The following SLC8A1 variants were observed in gnomAD, a reference collection of about 807,000 sequenced individuals.
SLC8A1 encodes the protein sodium/calcium exchanger 1.
In SLC8A1, 18 loss-of-function variants were observed where a neutral mutation model predicts 68.3. The ratio of observed to expected loss-of-function variants is 0.26; its 90% CI spans 0.18 to 0.39. The LOEUF is 0.39. Among genes scored for constraint, SLC8A1 ranks in the 10% least tolerant of loss-of-function variants. The pLI is 1.00. For missense variants in SLC8A1, 985 were observed against 1,156.7 expected (o/e 0.85, Z 2.15); for synonymous variants, 475 against 415.5 (o/e 1.14, Z -1.74).
chr2:40,347,470 C>G (rs1559337109), intron 2 of SLC8A1, among the ~76,000 whole-genome samples: 1 of 152,218 alleles, frequency 6.6e-6, no homozygotes, highest in African/African-American at 2.4e-5. Flanking sequence ...AGCTCAATGC[C>G]TGGCTTCAGC....
chr2:40,220,938 G>A (rs1342772027), intron 2 of SLC8A1, among the ~76,000 whole-genome samples: 5 of 151,722 alleles, frequency 3.3e-5, no homozygotes, highest in African/African-American at 1.2e-4. Flanking sequence ...GCCAAATTCT[G>A]CCAGAGGTAC....
At chr2:40,442,377 C>A in intron 1 of SLC8A1, among the ~76,000 whole-genome samples, 1 of 140,572 alleles carries the variant, frequency 7.1e-6, no homozygotes. Flanking sequence ...TATCTGGAAT[C>A]TACAAGGAAC....
chr2:40,327,735 A>T (rs955863403), intron 2 of SLC8A1, among the ~76,000 whole-genome samples: 1 of 152,166 alleles, frequency 6.6e-6, no homozygotes, highest in African/African-American at 2.4e-5. Flanking sequence ...GATGAGAATA[A>T]TACGACACTG....
At chr2:40,174,575 T>C (rs2048134514) in intron 4 of SLC8A1, 131 bp downstream of exon 6, 1 of 862,336 alleles carries the variant, frequency 1.2e-6, no homozygotes, top group Non-Finnish European at 1.8e-6. Flanking sequence ...AAACGTTAAA[T>C]GTGTAAAACC....
intron 2 of SLC8A1, among the ~76,000 whole-genome samples, chr2:40,356,952 C>A (rs578046719): frequency 6.6e-6 from 1 of 152,168 alleles, no homozygotes; most frequent in Non-Finnish European, 1.5e-5. Context: ...TTGTCACCAA[C>A]CATCTTGCCC....
chr2:40,195,579 A>G (rs1350260816), intron 2 of SLC8A1, among the ~76,000 whole-genome samples: 1 of 152,040 alleles, frequency 6.6e-6, no homozygotes, highest in African/African-American at 2.4e-5. Flanking sequence ...TATAACTTCT[A>G]TTAATTATTT....
At chr2:40,306,725 C>T (rs1415600683) in intron 2 of SLC8A1, among the ~76,000 whole-genome samples, 1 of 152,172 alleles carries the variant, frequency 6.6e-6, no homozygotes. Context: ...ATGTCAATTA[C>T]TGCACGTAAG....
At chr2:40,428,931 T>C (rs1697599319) in exon 2 of SLC8A1, 2 of 1,613,774 alleles carry the variant, frequency 1.2e-6, no homozygotes, top group South Asian at 1.1e-5. Flanking sequence ...CAGCATTTGC[T>C]GTGCCATCCT....
intron 6 of SLC8A1, among the ~76,000 whole-genome samples, chr2:40,153,014 T>A (rs2043748395): frequency 6.6e-6 from 1 of 152,118 alleles, no homozygotes; most frequent in East Asian, 1.9e-4. Flanking sequence ...AGATTTCAAA[T>A]TTCCAAATTC....
chr2:40,308,963 G>T (rs1026031729), intron 2 of SLC8A1, among the ~76,000 whole-genome samples: 1 of 152,130 alleles, frequency 6.6e-6, no homozygotes, highest in Non-Finnish European at 1.5e-5. Context: ...GGGTCCTGTG[G>T]ACAGTTGGTC....
At chr2:40,139,329 T>G in intron 7 of SLC8A1, 72 bp downstream of exon 10, 1 of 1,543,028 alleles carries the variant, frequency 6.5e-7, no homozygotes. Context: ...CTTGAAATTG[T>G]AGGAAAGAAA....
At chr2:40,164,433 C>T (rs2046210945) in intron 5 of SLC8A1, among the ~76,000 whole-genome samples, 1 of 152,102 alleles carries the variant, frequency 6.6e-6, no homozygotes, top group Non-Finnish European at 1.5e-5. Flanking sequence ...TATTACTATC[C>T]CCCTGCAAAA....
At chr2:40,334,726 G>A (rs1015328936) in intron 2 of SLC8A1, among the ~76,000 whole-genome samples, 2 of 152,098 alleles carry the variant, frequency 1.3e-5, no homozygotes, top group Non-Finnish European at 2.9e-5. Context: ...TTGATCAAAT[G>A]ACGTGCTATT....
intron 1 of SLC8A1, among the ~76,000 whole-genome samples, chr2:40,431,829 G>A (rs1698380944): frequency 6.6e-6 from 1 of 152,048 alleles, no homozygotes; most frequent in Non-Finnish European, 1.5e-5. Context: ...ACTGCAAACT[G>A]CACCAGTGCC....
Position 40,175,290 on chromosome 2 carries a change from G to T in SLC8A1, c.1913-448C>A. ...CTCATTCAATAACAGGGCTGTGAAG[G>T]AAACAGACAAAGACAAACACAGAAT... On this transcript the variant is annotated intron_variant, in intron 3 of 7. Coordinates refer to ENST00000406785, the Ensembl canonical transcript of SLC8A1. 1 of 1,612,398 alleles carries T rather than the reference G, an allele frequency of 6.2e-7. No individual in the cohort carries two copies. Among genetic ancestry groups the T allele is most frequent in the Non-Finnish European group, 8.5e-7 (1 of 1,178,832 alleles).
intron 2 of SLC8A1, among the ~76,000 whole-genome samples, chr2:40,288,664 G>A (rs544474609): frequency 6.6e-6 from 1 of 152,046 alleles, no homozygotes; most frequent in East Asian, 1.9e-4. Flanking sequence ...CATCCGCATA[G>A]TATTTACATC....
chr2:40,465,910 G>T (rs539084400), intron 1 of SLC8A1, among the ~76,000 whole-genome samples: 2 of 152,222 alleles, frequency 1.3e-5, no homozygotes, highest in African/African-American at 4.8e-5. Context: ...ACGGTCTTTT[G>T]GGGAGTGGAT....
chr2:40,273,052 C>T (rs62150787), intron 2 of SLC8A1, among the ~76,000 whole-genome samples: 14,471 of 152,250 alleles, frequency 0.095, 890 homozygotes, highest in Non-Finnish European at 0.14. Context: ...AAGTGATTCT[C>T]CTGCCTCAGC....
intron 2 of SLC8A1, among the ~76,000 whole-genome samples, chr2:40,376,187 T>C (rs1191713397): frequency 6.6e-6 from 1 of 152,130 alleles, no homozygotes; most frequent in Non-Finnish European, 1.5e-5. Context: ...GTGACTTAAC[T>C]GTTAACCTAT....
Sources: allele counts gnomAD v4.1 joint callset (sites outside exome capture counted in the v4.1 genomes callset), GRCh38; gene constraint gnomAD v4.1.1; transcripts MANE v1.5; gene names NCBI Gene and HGNC (gene_info 2026-07-23, HGNC 2026-07-21).